TPCN1: variants seen among roughly 807,000 people sequenced by gnomAD.
TPCN1 encodes the protein two pore segment channel 1, also known as two pore channel protein 1.
Under a neutral mutation model 108.8 loss-of-function variants are expected in TPCN1, and 52 were observed. The ratio of observed to expected loss-of-function variants is 0.48; its 90% CI spans 0.38 to 0.60. The LOEUF is 0.60. Ranked by LOEUF, TPCN1 falls within the 20% of genes least tolerant of loss-of-function variation. The probability of loss-of-function intolerance (pLI) is 0.00; values close to 1 mark genes in which losing one functional copy is unlikely to be tolerated. For missense variants in TPCN1, 806 were observed against 1,072.8 expected (o/e 0.75, Z 3.47); for synonymous variants, 446 against 433.7 (o/e 1.03, Z -0.35).
intron 15 of TPCN1, among the ~76,000 whole-genome samples, chr12:113,280,685 AT>A (rs1955856439): frequency 6.6e-6 from 1 of 152,256 alleles, no homozygotes; most frequent in Non-Finnish European, 1.5e-5. Flanking sequence ...ATTTCAAGTG[AT>A]TAATAGCCAC....
chr12:113,290,474 C>T (rs948539496), intron 22 of TPCN1, among the ~76,000 whole-genome samples: 13 of 152,172 alleles, frequency 8.5e-5, no homozygotes, highest in African/African-American at 2.7e-4. Flanking sequence ...TTCTCAGTAC[C>T]GGGGAGGACA....
Position 113,278,217 on chromosome 12 carries a change from G to T in TPCN1, c.1213G>T (p.Val405Phe). The change falls in exon 13 of 28, where the codon GTT (valine) becomes TTT (phenylalanine). Residue 405 changes from valine (V) to phenylalanine (F), a missense_variant. Transcript: ENST00000335509. Reference protein sequence around the residue: ...SLKDFYDIYEVAALKWKAKKN... With the variant: ...SLKDFYDIYEFAALKWKAKKN... Reference sequence around the variant, plus strand: ...AAAGGACTTTTACGATATCTACGAAGTTGCTGCTTTGAAGTGGAAGGTGAG... The same window carrying T: ...AAAGGACTTTTACGATATCTACGAATTTGCTGCTTTGAAGTGGAAGGTGAG... The T allele has an allele frequency of 1.2e-6, 2 of 1,613,932 alleles. No individual in the cohort carries two copies. The highest frequency in any genetic ancestry group is 1.7e-6 in the Non-Finnish European group (2 of 1,179,900).
intron 14 of TPCN1, among the ~76,000 whole-genome samples, chr12:113,279,425 C>T (rs1260453986): frequency 7.7e-5 from 5 of 65,184 alleles, no homozygotes; most frequent in African/African-American, 2.0e-4. Context: ...TTTGAGGCGG[C>T]GTCTCGCTCT....
intron 2 of TPCN1, among the ~76,000 whole-genome samples, chr12:113,251,371 C>A (rs1456345554): frequency 6.6e-6 from 1 of 152,220 alleles, no homozygotes; most frequent in African/African-American, 2.4e-5. Flanking sequence ...CATAGTGAGA[C>A]CCTGTCTCTA....
In TPCN1 at chr12:113,288,458, C is replaced by T; in HGVS notation, c.1706+224C>T. 6.7e-7 allele frequency: 1 copy of T among 1,493,412 alleles called. No homozygotes were observed. The highest frequency in any genetic ancestry group is 8.9e-7 in the Non-Finnish European group (1 of 1,123,086). 92.5% of individuals were successfully genotyped at this position (1,493,412 alleles called of 1,614,324 possible). ...CATATTTAGTAGGGAGGGCAGGGAG[C>T]TGTCAACTCGCTTACCACCTGTGTC... is the stretch of plus-strand genomic sequence containing the variant. On this transcript the variant is annotated intron_variant, in intron 20 of 27. Transcript: ENST00000335509. This position sits in a 1 kb window ranked among gnomAD's most constrained non-coding sequence, Gnocchi z 4.8.
intron 2 of TPCN1, among the ~76,000 whole-genome samples, chr12:113,254,609 G>A (rs915833311): frequency 2.0e-5 from 3 of 152,188 alleles, no homozygotes; most frequent in African/African-American, 7.2e-5. Flanking sequence ...CTTGGGTCCA[G>A]AAGTATTTCC....
intron 2 of TPCN1, among the ~76,000 whole-genome samples, chr12:113,235,174 G>C (rs1462726679): frequency 6.6e-6 from 1 of 152,208 alleles, no homozygotes; most frequent in Non-Finnish European, 1.5e-5. Context: ...ATTTGGCTTT[G>C]GGATCAAAGC....
intron 2 of TPCN1, among the ~76,000 whole-genome samples, chr12:113,255,932 C>G (rs1954816447): frequency 6.8e-6 from 1 of 146,270 alleles, no homozygotes; most frequent in African/African-American, 2.5e-5. Context: ...CTCAAGCCAT[C>G]CTCCCACCTC....
Position 113,226,919 on chromosome 12 carries a change from C to A in TPCN1, c.67C>A (p.Leu23Met). 6.2e-7 allele frequency: 1 copy of A among 1,614,180 alleles called. No homozygotes were observed. The highest frequency in any genetic ancestry group is 8.5e-7 in the Non-Finnish European group (1 of 1,180,040). ...CTTGGATGAGGGTGGCAGTGCCCCACTGGCTCCCTCCAACGGCCTGGGCCA... is the reference window on the plus strand; with the variant it reads ...CTTGGATGAGGGTGGCAGTGCCCCAATGGCTCCCTCCAACGGCCTGGGCCA... ...LTLDEGGSAPLAPSNGLGQEE... is the reference protein window; with the variant it reads ...LTLDEGGSAPMAPSNGLGQEE... The change falls in exon 2 of 28, where the codon CTG (leucine) becomes ATG (methionine). Residue 23 changes from leucine (L) to methionine (M), a missense_variant. By Grantham distance (15) the Leu-to-Met change is conservative (BLOSUM62 2). Coordinates refer to ENST00000335509, the MANE Select transcript of TPCN1 (RefSeq NM_017901.6).
At chr12:113,241,913 G>A (rs1325488069) in intron 2 of TPCN1, among the ~76,000 whole-genome samples, 1 of 152,164 alleles carries the variant, frequency 6.6e-6, no homozygotes, top group Non-Finnish European at 1.5e-5. Flanking sequence ...GTGAGCAGTG[G>A]CAGGGAAAGC....
chr12:113,224,445 G>A (rs1239507681), intron 1 of TPCN1, among the ~76,000 whole-genome samples: 1 of 152,200 alleles, frequency 6.6e-6, no homozygotes, highest in Non-Finnish European at 1.5e-5. Flanking sequence ...CGCCCAGGCT[G>A]GAGTGCAGTG....
chr12:113,226,890 T>G lies in TPCN1; in HGVS notation c.38T>G (p.Leu13Arg), dbSNP rs1230055774. Residue 13 changes from leucine to arginine, a missense_variant, in exon 2 of 28, where the codon CTG (leucine) becomes CGG (arginine). By Grantham distance (102) the Leu-to-Arg change is moderately radical. Transcript: ENST00000335509. The part of the protein sequence containing the change: ...VSLDDDVPLI[L>R]TLDEGGSAPL... ...TTGGATGACGACGTGCCGCTCATCC[T>G]GACCTTGGATGAGGGTGGCAGTGCC... The G allele has an allele frequency of 6.2e-7, 1 of 1,614,198 alleles. No individual in the cohort carries two copies. The highest frequency in any genetic ancestry group is 8.5e-7 in the Non-Finnish European group (1 of 1,180,046).
chr12:113,296,149 G>T lies in TPCN1; in HGVS notation c.*73G>T, dbSNP rs1279306073. The T allele has an allele frequency of 7.0e-6, 11 of 1,571,568 alleles. No individual in the cohort carries two copies. The highest frequency in any genetic ancestry group is 9.6e-6 in the Non-Finnish European group (11 of 1,151,498). On this transcript the variant is annotated 3_prime_UTR_variant, in exon 28 of 28. Coordinates refer to ENST00000335509, the MANE Select transcript of TPCN1 (RefSeq NM_017901.6). ...ACTCTACTGCGATGTACGGAACTGC[G>T]GTGTGTGTACACATACTCACGTATA... is the stretch of plus-strand genomic sequence containing the variant.
intron 3 of TPCN1, among the ~76,000 whole-genome samples, chr12:113,264,467 T>C (rs1955168395): frequency 6.6e-6 from 1 of 152,046 alleles, no homozygotes; most frequent in Non-Finnish European, 1.5e-5. Flanking sequence ...TCACTTGAGC[T>C]CAGGAGTTCG....
intron 15 of TPCN1, among the ~76,000 whole-genome samples, chr12:113,281,669 G>A (rs1277313691): frequency 6.6e-6 from 1 of 152,136 alleles, no homozygotes; most frequent in Non-Finnish European, 1.5e-5. Flanking sequence ...CTTCTGAGTA[G>A]CTGGGACCAC....
Position 113,226,791 on chromosome 12 carries a change from T to C in TPCN1, c.-62T>C, listed in dbSNP as rs772427917. On this transcript the variant is annotated 5_prime_UTR_variant, in exon 2 of 28. Transcript: ENST00000335509. ...TGGCCCAGTGGCTTTGAAAGGGAGC[T>C]CAAACCAGAGACTATTTCAAGCCCT... 3 of 1,609,556 alleles carry C rather than the reference T, an allele frequency of 1.9e-6. No homozygotes were observed. The highest frequency in any genetic ancestry group is 1.3e-5 in the African/African-American group (1 of 74,974).
Position 113,273,381 on chromosome 12 carries a change from C to A in TPCN1, c.842+91C>A. On this transcript the variant is annotated intron_variant, in intron 9 of 27. Coordinates refer to ENST00000335509, the MANE Select transcript of TPCN1 (RefSeq NM_017901.6). This position sits in a 1 kb window ranked among gnomAD's most constrained non-coding sequence, Gnocchi z 4.0. ...GCCAAGTATATTCCACATCCCAGCA[C>A]AGGCAGGTGCTGTGGTGCTATTGGG... The A allele has an allele frequency of 6.9e-7, 1 of 1,443,316 alleles. No individual in the cohort carries two copies. The highest frequency in any genetic ancestry group is 9.7e-7 in the Non-Finnish European group (1 of 1,026,158). The allele number at this position is 1,443,316 out of a possible 1,614,324, so 89.4% of individuals were successfully genotyped here.
chr12:113,280,378 T>C (rs1955846244), intron 15 of TPCN1, 183 bp downstream of exon 15: 1 of 491,590 alleles, frequency 2.0e-6, no homozygotes, highest in Non-Finnish European at 3.6e-6. Context: ...ATCACCCATC[T>C]GTATCTTCAC....
chr12:113,272,910 G>A lies in TPCN1; in HGVS notation c.783+218G>A, dbSNP rs1341305135. Among the ~76,000 whole-genome samples the A allele has an allele frequency of 6.6e-6, 1 of 152,188 alleles. No homozygotes were observed. Among genetic ancestry groups the A allele is most frequent in the African/African-American group, 2.4e-5 (1 of 41,438 alleles). ...ATCCCCTTTTCTGTTCTTGAAAGGA[G>A]TGCCGCCAGGATCAGGTTTGGACCA... On this transcript the variant is annotated intron_variant, in intron 8 of 27. Coordinates refer to ENST00000335509, the MANE Select transcript of TPCN1 (RefSeq NM_017901.6). The surrounding 1 kb of genome is among the most constrained non-coding windows in gnomAD (Gnocchi z 4.1).
Sources: gnomAD v4.1 joint callset for allele counts (sites outside exome capture counted in the v4.1 genomes callset) on GRCh38, gnomAD v4.1.1 for gene constraint, Gnocchi (gnomAD v3.1) non-coding constraint, MANE v1.5 for transcripts, NCBI Gene and HGNC (gene_info 2026-07-23, HGNC 2026-07-21) for gene names.